Variants in TMEM178A observed in about 807,000 individuals in gnomAD.
TMEM178A encodes transmembrane protein 178.
In TMEM178A, 12 loss-of-function variants were observed where a neutral mutation model predicts 29.1. The observed-to-expected ratio is 0.41, with a 90% CI of 0.26 to 0.67. TMEM178A has a LOEUF of 0.67. Ranked by LOEUF, TMEM178A falls within the 30% of genes least tolerant of loss-of-function variation. TMEM178A has a pLI of 0.29. For missense variants in TMEM178A, 366 were observed against 419.1 expected, an observed-to-expected ratio of 0.87 and a Z score of 1.11; for synonymous variants, 210 against 187.2, an observed-to-expected ratio of 1.12 and a Z score of -0.99.
intron 1 of TMEM178A, among the ~76,000 whole-genome samples, chr2:39,674,356 C>A (rs1670525882): frequency 6.6e-6 from 1 of 152,322 alleles, no homozygotes; most frequent in Non-Finnish European, 1.5e-5. Context: ...GAATTAAGAT[C>A]ATTTTCAGTA....
intron 3 of TMEM178A, among the ~76,000 whole-genome samples, chr2:39,712,896 C>G (rs1672374943): frequency 6.6e-6 from 1 of 152,148 alleles, no homozygotes; most frequent in African/African-American, 2.4e-5. Flanking sequence ...AGATTGCTGC[C>G]AATGAAAATG....
the TMEM178A span, among the ~76,000 whole-genome samples, chr2:39,735,365 G>A: frequency 6.6e-6 from 1 of 152,278 alleles, no homozygotes; most frequent in East Asian, 1.9e-4. Context: ...CAAGGAATAA[G>A]GACTACAGAA....
intron 3 of TMEM178A, among the ~76,000 whole-genome samples, chr2:39,709,205 A>G (rs1219222176): frequency 6.6e-6 from 1 of 152,162 alleles, no homozygotes; most frequent in Non-Finnish European, 1.5e-5. Context: ...GGCATGTTCA[A>G]CCACCCTGCA....
intron 3 of TMEM178A, among the ~76,000 whole-genome samples, chr2:39,713,224 C>A (rs1410297862): frequency 6.6e-6 from 1 of 152,162 alleles, no homozygotes; most frequent in Admixed American, 6.5e-5. Context: ...TCTAATATAC[C>A]AGAACTAGGC....
the TMEM178A span, among the ~76,000 whole-genome samples, chr2:39,727,340 ATAACAAGATTT>A: frequency 2.6e-5 from 4 of 152,242 alleles, no homozygotes; most frequent in Admixed American, 6.5e-5. Context: ...AAATGAATAA[ATAACAAGATTT>A]GAAAAGGCTA....
At chr2:39,693,739 A>G (rs1423198524) in intron 1 of TMEM178A, among the ~76,000 whole-genome samples, 2 of 152,316 alleles carry the variant, frequency 1.3e-5, no homozygotes, top group East Asian at 3.9e-4. Context: ...ACACCAGATA[A>G]GTCACCAACT....
At chr2:39,671,429 G>A (rs559761665) in intron 1 of TMEM178A, among the ~76,000 whole-genome samples, 71 of 152,230 alleles carry the variant, frequency 4.7e-4, no homozygotes, top group African/African-American at 1.6e-3. Context: ...AACCAGCACC[G>A]TCTCTCCTTC....
chr2:39,668,640 C>T (rs777188829), intron 1 of TMEM178A, among the ~76,000 whole-genome samples: 16 of 152,232 alleles, frequency 1.1e-4, no homozygotes, highest in Non-Finnish European at 2.1e-4. Flanking sequence ...AATGAGCCAA[C>T]GCTATTAAGC....
At chr2:39,706,205 T>C (rs1206651114) in intron 2 of TMEM178A, among the ~76,000 whole-genome samples, 1 of 152,096 alleles carries the variant, frequency 6.6e-6, no homozygotes, top group Non-Finnish European at 1.5e-5. Context: ...TCTGGCTCAG[T>C]GATCACAGTT....
At chr2:39,673,468 G>A (rs1400995579) in intron 1 of TMEM178A, among the ~76,000 whole-genome samples, 5 of 152,054 alleles carry the variant, frequency 3.3e-5, no homozygotes, top group South Asian at 2.1e-4. Flanking sequence ...TTAATATTTC[G>A]TTCATAGGTA....
At chr2:39,731,157 G>C in the TMEM178A span, among the ~76,000 whole-genome samples, 16 of 152,354 alleles carry the variant, frequency 1.1e-4, no homozygotes, top group African/African-American at 3.8e-4. Context: ...TAAGTTCATG[G>C]AAGGTGTTGT....
At chr2:39,728,723 T>G in the TMEM178A span, among the ~76,000 whole-genome samples, 2 of 132,316 alleles carry the variant, frequency 1.5e-5, no homozygotes, top group East Asian at 1.9e-4. Context: ...AGAAATGAAT[T>G]TTTTTTTTTT....
intron 3 of TMEM178A, among the ~76,000 whole-genome samples, chr2:39,716,628 A>G (rs1672550688): frequency 6.6e-6 from 1 of 152,234 alleles, no homozygotes; most frequent in South Asian, 2.1e-4. Flanking sequence ...AGCGAAGGAA[A>G]ATGAAAACTA....
At chr2:39,702,237 A>C (rs1288590036) in intron 1 of TMEM178A, among the ~76,000 whole-genome samples, 1 of 152,206 alleles carries the variant, frequency 6.6e-6, no homozygotes, top group African/African-American at 2.4e-5. Flanking sequence ...TTCCTGAACG[A>C]ATCCTATGAA....
chr2:39,712,687 G>A (rs1358626938), intron 3 of TMEM178A, among the ~76,000 whole-genome samples: 1 of 151,962 alleles, frequency 6.6e-6, no homozygotes, highest in Non-Finnish European at 1.5e-5. Context: ...CTCTCTCTGG[G>A]GGACACTAGC....
chr2:39,721,965 T>A (rs111343012), downstream of TMEM178A, among the ~76,000 whole-genome samples: 3,113 of 113,854 alleles, frequency 0.027, 112 homozygotes, highest in African/African-American at 0.097. Context: ...CCAGCCTGGG[T>A]GACAGAGTGA....
chr2:39,722,671 T>C (rs1672726944), downstream of TMEM178A, among the ~76,000 whole-genome samples: 1 of 152,218 alleles, frequency 6.6e-6, no homozygotes, highest in Admixed American at 6.5e-5. Flanking sequence ...AACCCCAGTT[T>C]AAATCACAGC....
chr2:39,716,771 C>T (rs1238058931), intron 3 of TMEM178A, among the ~76,000 whole-genome samples: 1 of 151,978 alleles, frequency 6.6e-6, no homozygotes, highest in Admixed American at 6.6e-5. Flanking sequence ...TTCAGGTTAT[C>T]AGAATTTTCC....
chr2:39,722,146 G>A (rs751473951), downstream of TMEM178A, among the ~76,000 whole-genome samples: 3 of 152,062 alleles, frequency 2.0e-5, no homozygotes, highest in Non-Finnish European at 4.4e-5. Flanking sequence ...TGGAGAGGGT[G>A]GTGATGAAAA....
Sources: gnomAD v4.1 joint callset for allele counts (sites outside exome capture counted in the v4.1 genomes callset) on GRCh38, gnomAD v4.1.1 for gene constraint, MANE v1.5 for transcripts, NCBI Gene and HGNC (gene_info 2026-07-23, HGNC 2026-07-21) for gene names.